Variants in ABCC6 observed in about 807,000 individuals in gnomAD.
ABCC6 encodes the protein ATP-binding cassette sub-family C member 6.
A neutral mutation model predicts 169.5 loss-of-function variants in ABCC6; 126 were observed. That is an observed-to-expected ratio of 0.74 (90% CI 0.64 to 0.86). The LOEUF (loss-of-function observed/expected upper bound fraction) is 0.86. ABCC6 is among the 40% of genes least tolerant of loss of function. The pLI, the probability that ABCC6 is intolerant of heterozygous loss-of-function variation, is 0.00. For missense variants in ABCC6, 1,733 were observed against 1,927.2 expected, an observed-to-expected ratio of 0.90 and a Z score of 1.89; for synonymous variants, 752 against 814.7, an observed-to-expected ratio of 0.92 and a Z score of 1.31.
At chr16:16,172,084 G>C (rs1596631152) in intron 21 of ABCC6, among the ~76,000 whole-genome samples, 2 of 146,604 alleles carry the variant, frequency 1.4e-5, no homozygotes, top group African/African-American at 5.1e-5. Flanking sequence ...ATGGATAAAT[G>C]AGTGGGTGGG....
rs1427800902 is a variant in ABCC6, at chr16:16,203,450, T to C, written c.958A>G (p.Ile320Val). 3 of 1,613,788 alleles carry C rather than the reference T, an allele frequency of 1.9e-6. No individual in the cohort carries two copies. The African/African-American group carries it at 4.0e-5, about 22-fold the overall frequency. ...ACAGTGAACCTGAAGACATCACTGATGATGAGGCTGAGGGTCCCCAGGAGG... is the reference window on the plus strand; with the variant it reads ...ACAGTGAACCTGAAGACATCACTGACGATGAGGCTGAGGGTCCCCAGGAGG... ...TFLLGTLSLIISDVFRFTVPK... is the reference protein window; with the variant it reads ...TFLLGTLSLIVSDVFRFTVPK... The change falls in exon 8 of 31, where the codon ATC (isoleucine) becomes GTC (valine). Residue 320 changes from isoleucine to valine, a missense_variant. Physicochemically the swap from Ile to Val is conservative, Grantham distance 29 (BLOSUM62 3). This residue lies in a region of ABCC6 where 1,601 missense variants were observed against 1,635.5 expected (regional missense o/e 0.98). Coordinates refer to ENST00000205557, the MANE Select transcript of ABCC6 (RefSeq NM_001171.6).
At chr16:16,215,441 GT>G (rs879401867) in intron 4 of ABCC6, among the ~76,000 whole-genome samples, 419 of 31,714 alleles carry the variant, frequency 0.013, 2 homozygotes, top group Non-Finnish European at 0.012. Context: ...AATTTTAGGT[GT>G]GTGTGTGTGT....
chr16:16,166,484 G>A (rs572816668), intron 22 of ABCC6, among the ~76,000 whole-genome samples: 1 of 152,208 alleles, frequency 6.6e-6, no homozygotes, highest in Admixed American at 6.5e-5. Context: ...TATGAAGATG[G>A]CGACACAGAT....
intron 27 of ABCC6, among the ~76,000 whole-genome samples, chr16:16,157,180 A>T (rs1426852863): frequency 6.6e-6 from 1 of 152,028 alleles, no homozygotes; most frequent in East Asian, 1.9e-4. Flanking sequence ...ATTAGTAAAC[A>T]TTTCTGGAGC....
rs1567466127 is a variant in ABCC6, at chr16:16,155,050, A to C, written c.3883-19T>G. On this transcript the variant is annotated intron_variant, in intron 27 of 30. Coordinates refer to ENST00000205557, the MANE Select transcript of ABCC6 (RefSeq NM_001171.6). Reference sequence around the variant, plus strand: ...TGCCCACCTGCCCGGGGTTGGGAGGAAAGGCCTGCTCTGACCAGAGGGTTT... The same window carrying C: ...TGCCCACCTGCCCGGGGTTGGGAGGCAAGGCCTGCTCTGACCAGAGGGTTT... The C allele has an allele frequency of 6.5e-7, 1 of 1,547,796 alleles. No homozygotes were observed. The highest frequency in any genetic ancestry group is 1.4e-5 in the African/African-American group (1 of 73,068).
rs192657277 is a variant in ABCC6 at position 16,209,820 on chromosome 16, T to A, written c.663-961A>T. On this transcript the variant is annotated intron_variant, in intron 6 of 30. Transcript: ENST00000205557. ...CATGCTGGCCAGGCTGGTCTCGACC[T>A]ACTGGCCTCAAGCAATCCTCCCACC... Among the ~76,000 whole-genome samples, 30 of 152,220 alleles carry A rather than the reference T, an allele frequency of 2.0e-4. No individual in the cohort carries two copies. The East Asian group carries it at 5.4e-3, about 28-fold the overall frequency.
At chr16:16,199,270 A>T (rs1422050518) in intron 9 of ABCC6, among the ~76,000 whole-genome samples, 1 of 148,252 alleles carries the variant, frequency 6.7e-6, no homozygotes, top group Non-Finnish European at 1.5e-5. Context: ...CGATTTTGGA[A>T]GTATTAGAGT....
intron 23 of ABCC6, 128 bp from the exon 24 acceptor site, chr16:16,163,320 T>C: frequency 1.2e-6 from 1 of 863,286 alleles, no homozygotes; most frequent in Middle Eastern, 3.0e-4. Flanking sequence ...TGTGTGACCT[T>C]GGGCTAGTTG....
At chr16:16,214,541 C>T in intron 4 of ABCC6, 92 bp from the exon 5 acceptor site, 2 of 1,547,036 alleles carry the variant, frequency 1.3e-6, no homozygotes, top group Non-Finnish European at 1.7e-6. Flanking sequence ...AGTGCCCACT[C>T]TGGGGACCAG....
In ABCC6 at chr16:16,174,762, C is replaced by CCCCCCCG. The variant is rs1555511625; in HGVS notation, c.2666+1148_2666+1149insCGGGGGG. On this transcript the variant is annotated intron_variant, in intron 20 of 30. Transcript: ENST00000205557. The stretch of plus-strand genomic sequence containing the variant: ...ACAGAGCAAGATTCTGTCTCAAAAC[C>CCCCCCCG]CCCCCCCGCAAAAAACAAAAAACCT... Among the ~76,000 whole-genome samples, 5 of 91,948 alleles carry CCCCCCCG rather than the reference C, an allele frequency of 5.4e-5. 1 individual carries two copies. The highest frequency in any genetic ancestry group is 1.3e-4 in the Non-Finnish European group (5 of 38,560). The allele number at this position is 91,948 out of a possible 152,430, so 60.3% of individuals were successfully genotyped here.
intron 14 of ABCC6, among the ~76,000 whole-genome samples, chr16:16,186,798 C>T (rs981199056): frequency 6.6e-6 from 1 of 151,994 alleles, no homozygotes; most frequent in Non-Finnish European, 1.5e-5. Context: ...ACGCGCCTCT[C>T]CCCGGTCCGT....
intron 10 of ABCC6, among the ~76,000 whole-genome samples, chr16:16,194,836 C>T (rs2047981198): frequency 6.6e-6 from 1 of 152,040 alleles, no homozygotes; most frequent in Non-Finnish European, 1.5e-5. Flanking sequence ...AGGCATGTGT[C>T]ACTCGGCTAA....
chr16:16,197,144 A>G (rs971517318), intron 10 of ABCC6, among the ~76,000 whole-genome samples: 1 of 152,050 alleles, frequency 6.6e-6, no homozygotes, highest in Non-Finnish European at 1.5e-5. Flanking sequence ...TTCCCCCTAA[A>G]ATGTTCTCCT....
At chr16:16,204,629 A>C (rs573235928) in intron 7 of ABCC6, among the ~76,000 whole-genome samples, 1 of 152,080 alleles carries the variant, frequency 6.6e-6, no homozygotes, top group Non-Finnish European at 1.5e-5. Flanking sequence ...GGGAGGCCCG[A>C]GGGCCCCTGT....
At chr16:16,197,903 C>T (rs2048103538) in intron 10 of ABCC6, 118 bp downstream of exon 10, 1 of 1,244,882 alleles carries the variant, frequency 8.0e-7, no homozygotes, top group Non-Finnish European at 1.1e-6. Flanking sequence ...CACAGCGGAC[C>T]TCTTCCAGCC....
intron 10 of ABCC6, among the ~76,000 whole-genome samples, chr16:16,195,269 G>C (rs7190447): frequency 0.17 from 25,918 of 148,216 alleles, 3,821 homozygotes; most frequent in East Asian, 0.55. Context: ...GTAACATGGT[G>C]CATTATCTAT....
At chr16:16,213,874 TTTG>T (rs1378802612) in intron 5 of ABCC6, among the ~76,000 whole-genome samples, 2 of 148,370 alleles carry the variant, frequency 1.3e-5, no homozygotes, top group Admixed American at 6.8e-5. Context: ...TTTCAACATA[TTTG>T]TTTAATTTTG....
rs577119089 is a variant in ABCC6 at position 16,157,900 on chromosome 16, C to T, written c.3736-91G>A. On this transcript the variant is annotated intron_variant, in intron 26 of 30. Coordinates refer to ENST00000205557, the MANE Select transcript of ABCC6 (RefSeq NM_001171.6). ...CTCTATCAGCTTCAGTTTTCTCTTC[C>T]GCAAAATGGACGTATTTATTGCTGT... The T allele has an allele frequency of 5.5e-5, 77 of 1,388,536 alleles. 2 individuals carry two copies. Among genetic ancestry groups the T allele is most frequent in the South Asian group, 2.9e-4 (22 of 76,598 alleles). The allele number at this position is 1,388,536 out of a possible 1,614,324, so 86.0% of individuals were successfully genotyped here.
Position 16,149,980 on chromosome 16 carries a change from T to G in ABCC6, c.*153A>C. 8 of 1,188,722 alleles carry G rather than the reference T, an allele frequency of 6.7e-6. No homozygotes were observed. Among genetic ancestry groups the G allele is most frequent in the Non-Finnish European group, 9.7e-6 (8 of 823,910 alleles). The allele number at this position is 1,188,722 out of a possible 1,614,324, so 73.6% of individuals were successfully genotyped here. A position where few individuals can be genotyped will look rare whatever the true frequency, so the allele number is the denominator to read the frequency against. On this transcript the variant is annotated 3_prime_UTR_variant, in exon 31 of 31. Coordinates refer to ENST00000205557, the MANE Select transcript of ABCC6 (RefSeq NM_001171.6). ...TTCCGGCTCTGATGCTCTGTGATAA[T>G]TGGCCACTTTCTCTGCCATTTTCCT...
Sources: allele counts gnomAD v4.1 joint callset (sites outside exome capture counted in the v4.1 genomes callset), GRCh38; gene constraint gnomAD v4.1.1; regional missense constraint gnomAD v4.1.1; transcripts MANE v1.5; gene names NCBI Gene and HGNC (gene_info 2026-07-23, HGNC 2026-07-21).